Variants in YY1 observed in about 807,000 individuals in gnomAD.
YY1 encodes the protein transcriptional repressor protein YY1.
YY1 carries 2 observed loss-of-function variants against 35.6 expected under a neutral mutation model. The ratio of observed to expected loss-of-function variants is 0.06; its 90% CI spans 0.02 to 0.18. The LOEUF (loss-of-function observed/expected upper bound fraction) is 0.18. Among genes scored for constraint, YY1 ranks in the 10% least tolerant of loss-of-function variants. YY1 has a pLI of 1.00. For missense variants in YY1, 322 were observed against 573.4 expected, an observed-to-expected ratio of 0.56 and a Z score of 4.48; for synonymous variants, 268 against 238.9, an observed-to-expected ratio of 1.12 and a Z score of -1.12.
chr14:100,242,712 A>G (rs758493397), intron 1 of YY1, among the ~76,000 whole-genome samples: 3 of 151,742 alleles, frequency 2.0e-5, no homozygotes, highest in Non-Finnish European at 2.9e-5. Flanking sequence ...AAGGTGGCAC[A>G]GTTTGGGGTT....
intron 1 of YY1, among the ~76,000 whole-genome samples, chr14:100,240,312 G>A (rs989344140): frequency 1.4e-5 from 2 of 146,602 alleles, no homozygotes; most frequent in Non-Finnish European, 3.0e-5. Context: ...CCCGGCCCGG[G>A]CGGGACGCGG....
rs536987276 is a variant in YY1 at position 100,242,192 on chromosome 14, T to A, written c.679+2269T>A. ...TTTTTACATGATCTGCATTTTATCT[T>A]AACAAATTGCTGGTCCACTTTTCCA... On this transcript the variant is annotated intron_variant, in intron 1 of 4. Coordinates refer to ENST00000262238, the MANE Select transcript of YY1 (RefSeq NM_003403.5). Among the ~76,000 whole-genome samples, 133 of 152,278 alleles carry A rather than the reference T, an allele frequency of 8.7e-4. 1 individual carries two copies. The highest frequency in any genetic ancestry group is 6.8e-3 in the Middle Eastern group (2 of 294).
At chr14:100,274,675 G>A in intron 2 of YY1, 23 bp from the exon 3 acceptor site, 1 of 1,607,294 alleles carries the variant, frequency 6.2e-7, no homozygotes, top group South Asian at 1.1e-5. Context: ...AAATCTGTCT[G>A]TCTCTCTTTT....
At chr14:100,248,345 A>G (rs2139572721) in intron 1 of YY1, among the ~76,000 whole-genome samples, 1 of 151,952 alleles carries the variant, frequency 6.6e-6, no homozygotes, top group African/African-American at 2.4e-5. Context: ...GATGGTCTCA[A>G]TCTCCTGACC....
At chr14:100,264,967 A>T (rs1039843213) in intron 2 of YY1, among the ~76,000 whole-genome samples, 7 of 152,044 alleles carry the variant, frequency 4.6e-5, no homozygotes, top group Non-Finnish European at 8.8e-5. Context: ...GGTGATATGC[A>T]GCTAGCTTCT....
intron 1 of YY1, among the ~76,000 whole-genome samples, chr14:100,255,069 T>G (rs931361622): frequency 4.0e-5 from 6 of 148,556 alleles, no homozygotes; most frequent in African/African-American, 1.2e-4. Context: ...AGTGCTAGGA[T>G]TACAGATGTG....
chr14:100,240,253 C>T (rs1595310194), intron 1 of YY1, among the ~76,000 whole-genome samples: 1 of 108,304 alleles, frequency 9.2e-6, no homozygotes, highest in South Asian at 2.3e-4. Context: ...TCCCCGCGCC[C>T]GCATCAACGG....
rs1296578182 is a variant in YY1, at chr14:100,278,803, T to A, written c.*1203T>A. ...TGTACCACCGCGCAGGCTGAGCGCC[T>A]GCGCAGGGTAAGGTGCCACCTGGCA... On this transcript the variant is annotated 3_prime_UTR_variant, in exon 5 of 5. Transcript: ENST00000262238. 1 of 152,224 alleles carries A rather than the reference T, an allele frequency of 6.6e-6. No individual in the cohort carries two copies. The highest frequency in any genetic ancestry group is 1.9e-4 in the East Asian group (1 of 5,194). 9.4% of individuals were successfully genotyped at this position (152,224 alleles called of 1,614,324 possible).
intron 2 of YY1, among the ~76,000 whole-genome samples, chr14:100,274,346 T>C (rs1451639540): frequency 6.6e-6 from 1 of 152,150 alleles, no homozygotes; most frequent in Non-Finnish European, 1.5e-5. Flanking sequence ...TTCATCTGAT[T>C]GTCTGAGTTG....
chr14:100,269,579 C>T (rs1289214104), intron 2 of YY1, among the ~76,000 whole-genome samples: 2 of 152,096 alleles, frequency 1.3e-5, no homozygotes, highest in Non-Finnish European at 2.9e-5. Flanking sequence ...TGTTTACTCG[C>T]AAAATGAAAC....
chr14:100,273,392 ATC>A (rs1160189171), intron 2 of YY1, among the ~76,000 whole-genome samples: 1 of 152,170 alleles, frequency 6.6e-6, no homozygotes, highest in Non-Finnish European at 1.5e-5. Flanking sequence ...GGCTCAAGTG[ATC>A]TTACTGCCTT....
chr14:100,244,968 G>A (rs1043739784), intron 1 of YY1, among the ~76,000 whole-genome samples: 3 of 147,334 alleles, frequency 2.0e-5, no homozygotes, highest in East Asian at 2.0e-4. Context: ...ACAGAATCTC[G>A]CTCTGTCACC....
At chr14:100,266,169 TC>T (rs1028964022) in intron 2 of YY1, among the ~76,000 whole-genome samples, 1 of 151,586 alleles carries the variant, frequency 6.6e-6, no homozygotes, top group Admixed American at 6.6e-5. Context: ...TTCAGTTACC[TC>T]CCCCCGGGTC....
At chr14:100,244,048 C>A (rs1037439660) in intron 1 of YY1, among the ~76,000 whole-genome samples, 2 of 151,330 alleles carry the variant, frequency 1.3e-5, no homozygotes, top group African/African-American at 4.9e-5. Context: ...GCGGAGCTTG[C>A]CGTGAGCCGA....
intron 2 of YY1, among the ~76,000 whole-genome samples, chr14:100,266,171 C>T (rs1891152385): frequency 6.6e-6 from 1 of 151,992 alleles, no homozygotes; most frequent in Non-Finnish European, 1.5e-5. Context: ...CAGTTACCTC[C>T]CCCCGGGTCC....
At chr14:100,249,747 C>CTT (rs1349082881) in intron 1 of YY1, among the ~76,000 whole-genome samples, 50 of 77,556 alleles carry the variant, frequency 6.4e-4, no homozygotes, top group African/African-American at 3.3e-3. Flanking sequence ...TGCTACTTAC[C>CTT]GTTTTTTTTT....
Position 100,239,810 on chromosome 14 carries a change from G to A in YY1, c.566G>A (p.Gly189Glu). The A allele has an allele frequency of 2.0e-6, 3 of 1,499,408 alleles. No homozygotes were observed. Among genetic ancestry groups the A allele is most frequent in the Non-Finnish European group, 2.7e-6 (3 of 1,131,336 alleles). The allele number at this position is 1,499,408 out of a possible 1,614,324, so 92.9% of individuals were successfully genotyped here. A position where few individuals can be genotyped will look rare whatever the true frequency, so the allele number is the denominator to read the frequency against. ...KSGKKSYLSGGAGAAGGGGAD... is the reference protein window; with the variant it reads ...KSGKKSYLSGEAGAAGGGGAD... ...GGCAAGAAGAGTTACCTCAGCGGCG[G>A]GGCCGGCGCGGCGGGCGGCGGCGGC... is the stretch of plus-strand genomic sequence containing the variant. The change falls in exon 1 of 5, where the codon GGG becomes GAG. Residue 189 changes from glycine (G) to glutamate (E), a missense_variant. Around this residue, in one of 4 missense-constraint regions of YY1, gnomAD observed 152 missense variants for 167.1 expected, o/e 0.91. Transcript: ENST00000262238.
At chr14:100,252,856 A>G (rs1447231276) in intron 1 of YY1, among the ~76,000 whole-genome samples, 2 of 151,974 alleles carry the variant, frequency 1.3e-5, no homozygotes, top group African/African-American at 4.8e-5. Context: ...TGGGCAACAT[A>G]GTGAGACCCC....
intron 1 of YY1, among the ~76,000 whole-genome samples, chr14:100,259,720 C>T (rs1023701586): frequency 2.0e-5 from 3 of 152,154 alleles, no homozygotes; most frequent in Non-Finnish European, 4.4e-5. Context: ...GAGAGCAAAA[C>T]TCACACTTAC....
Sources: allele counts gnomAD v4.1 joint callset (sites outside exome capture counted in the v4.1 genomes callset), GRCh38; gene constraint gnomAD v4.1.1; regional missense constraint gnomAD v4.1.1; transcripts MANE v1.5; gene names NCBI Gene and HGNC (gene_info 2026-07-23, HGNC 2026-07-21).